The following RBFOX1 variants were observed in gnomAD, a reference collection of about 807,000 sequenced individuals.
RBFOX1 encodes RNA binding fox-1 homolog 1, also known as RNA binding protein fox-1 homolog 1.
A neutral mutation model predicts 57.7 loss-of-function variants in RBFOX1; 8 were observed. That is an observed-to-expected ratio of 0.14 (90% CI 0.08 to 0.25). The LOEUF (loss-of-function observed/expected upper bound fraction) is 0.25, where lower values mean the gene tolerates loss of function less well. RBFOX1 is among the 10% of genes least tolerant of loss of function. The probability of loss-of-function intolerance (pLI) is 1.00; values close to 1 mark genes in which losing one functional copy is unlikely to be tolerated. For missense variants in RBFOX1, 611 were observed against 548.5 expected, an observed-to-expected ratio of 1.11 and a Z score of -1.14; for synonymous variants, 326 against 222.4, an observed-to-expected ratio of 1.47 and a Z score of -4.15.
chr16:6,189,075 A>T (rs1200681101), intron 1 of RBFOX1, among the ~76,000 whole-genome samples: 2 of 152,226 alleles, frequency 1.3e-5, no homozygotes, highest in African/African-American at 4.8e-5. Flanking sequence ...ATGTGGTTTC[A>T]GATGACCTCT....
Position 7,108,202 on chromosome 16 carries a change from GTCA to G in RBFOX1, c.27+56109_27+56111del, listed in dbSNP as rs1230098824. Among the ~76,000 whole-genome samples the G allele has an allele frequency of 3.3e-5, 5 of 152,224 alleles. No individual in the cohort carries two copies. In the East Asian group the frequency reaches 9.7e-4, roughly 29 times the overall value. On this transcript the variant is annotated intron_variant, in intron 4 of 15. Coordinates refer to ENST00000550418, the MANE Select transcript of RBFOX1 (RefSeq NM_018723.4). ...TCTGATGGTTCAGAACAGTCTCTGG[GTCA>G]TCATGAGCATCAGCTCTGGAATCAG...
At chr16:7,222,577 G>A (rs1332423285) in intron 4 of RBFOX1, among the ~76,000 whole-genome samples, 1 of 152,178 alleles carries the variant, frequency 6.6e-6, no homozygotes, top group Admixed American at 6.5e-5. Flanking sequence ...CTGGGCACTG[G>A]CTGTTGTTCC....
At chr16:6,808,061 A>G (rs531873184) in intron 3 of RBFOX1, among the ~76,000 whole-genome samples, 1 of 150,820 alleles carries the variant, frequency 6.6e-6, no homozygotes, top group African/African-American at 2.4e-5. Context: ...CCTATACAAT[A>G]GAACTATATA....
At chr16:6,669,392 A>T (rs532436053) in intron 3 of RBFOX1, among the ~76,000 whole-genome samples, 2 of 152,306 alleles carry the variant, frequency 1.3e-5, no homozygotes, top group East Asian at 3.9e-4. Flanking sequence ...AAGCCATAAA[A>T]ACTGTGTGAT....
chr16:6,514,165 T>C (rs1783811787), intron 2 of RBFOX1, among the ~76,000 whole-genome samples: 1 of 152,158 alleles, frequency 6.6e-6, no homozygotes, highest in South Asian at 2.1e-4. Context: ...TCTTTCTGCT[T>C]TTGAGCCACT....
Position 6,269,718 on chromosome 16 carries a change from C to G in RBFOX1, c.-126-47277C>G, listed in dbSNP as rs1302865639. ...AAAGAATTGGTTGGCAGCTGGTCTA[C>G]CTTAAAAGAATGGCTGAAAGAAATT... On this transcript the variant is annotated intron_variant, in intron 1 of 15. Coordinates refer to ENST00000550418, the MANE Select transcript of RBFOX1 (RefSeq NM_018723.4). 3.3e-5 allele frequency among the ~76,000 whole-genome samples: 5 copies of G among 151,950 alleles called. No homozygotes were observed. In the East Asian group the frequency reaches 7.7e-4, roughly 23 times the overall value.
At chr16:5,762,550 T>A (rs1486259812) in intron 3 of RBFOX1, among the ~76,000 whole-genome samples, 15 of 152,164 alleles carry the variant, frequency 9.9e-5, no homozygotes, top group Admixed American at 9.8e-4. Context: ...CAATTCCACT[T>A]TGGGAAATTT....
chr16:6,808,828 A>G (rs2087645126), intron 3 of RBFOX1, among the ~76,000 whole-genome samples: 1 of 152,162 alleles, frequency 6.6e-6, no homozygotes, highest in Non-Finnish European at 1.5e-5. Flanking sequence ...TAATTCATAG[A>G]AAATCACTAC....
At chr16:6,949,724 T>C (rs1044350837) in intron 3 of RBFOX1, among the ~76,000 whole-genome samples, 3 of 152,148 alleles carry the variant, frequency 2.0e-5, no homozygotes, top group Non-Finnish European at 4.4e-5. Flanking sequence ...ATAGTCACGT[T>C]AGGAGTTAAG....
intron 14 of RBFOX1, among the ~76,000 whole-genome samples, chr16:7,707,146 C>T (rs559304571): frequency 6.6e-5 from 10 of 152,310 alleles, no homozygotes; most frequent in African/African-American, 2.2e-4. Flanking sequence ...CTGAAAGCCT[C>T]ATCTAGATTA....
At chr16:7,144,417 C>CTTTTTTTTTTTTTTTTTTTT (rs1190886141) in intron 4 of RBFOX1, among the ~76,000 whole-genome samples, 4 of 66,912 alleles carry the variant, frequency 6.0e-5, no homozygotes, top group East Asian at 4.7e-4. Flanking sequence ...TTTCTTTCTT[C>CTTTTTTTTTTTTTTTTTTTT]TTTTTTTTTT....
intron 4 of RBFOX1, among the ~76,000 whole-genome samples, chr16:7,228,488 T>C (rs985605318): frequency 1.6e-4 from 25 of 152,184 alleles, no homozygotes; most frequent in Non-Finnish European, 3.4e-4. Flanking sequence ...TTGAACTTGG[T>C]TTTCTCAGTG....
At chr16:7,526,004 C>G (rs1435062415) in intron 5 of RBFOX1, among the ~76,000 whole-genome samples, 2 of 152,156 alleles carry the variant, frequency 1.3e-5, no homozygotes, top group Non-Finnish European at 1.5e-5. Flanking sequence ...GGGAACTGAG[C>G]TGCACAGCAA....
At chr16:7,332,416 A>G (rs1292233016) in intron 4 of RBFOX1, among the ~76,000 whole-genome samples, 1 of 152,212 alleles carries the variant, frequency 6.6e-6, no homozygotes, top group Non-Finnish European at 1.5e-5. Context: ...GAAATCAGAG[A>G]GAGAGCGGGA....
chr16:5,714,599 G>T (rs1055808799), intron 3 of RBFOX1, among the ~76,000 whole-genome samples: 1 of 152,188 alleles, frequency 6.6e-6, no homozygotes, highest in Admixed American at 6.5e-5. Context: ...TTGTTATACA[G>T]CATTACTGTG....
chr16:5,570,238 A>G (rs948509033), intron 2 of RBFOX1, among the ~76,000 whole-genome samples: 2 of 152,120 alleles, frequency 1.3e-5, no homozygotes, highest in African/African-American at 4.8e-5. Context: ...CATAGCACAC[A>G]TGATGGGTTT....
chr16:6,309,354 C>G (rs1364520426), intron 1 of RBFOX1, among the ~76,000 whole-genome samples: 1 of 152,128 alleles, frequency 6.6e-6, no homozygotes, highest in Non-Finnish European at 1.5e-5. Context: ...CTAAGGATTT[C>G]TTTGGAGTAC....
At chr16:6,875,350 C>G (rs898701579) in intron 3 of RBFOX1, among the ~76,000 whole-genome samples, 1 of 152,140 alleles carries the variant, frequency 6.6e-6, no homozygotes, top group Non-Finnish European at 1.5e-5. Context: ...CCTTTATACA[C>G]AGCTTTGACC....
intron 2 of RBFOX1, among the ~76,000 whole-genome samples, chr16:5,570,447 G>C (rs2046242192): frequency 6.6e-6 from 1 of 152,146 alleles, no homozygotes; most frequent in African/African-American, 2.4e-5. Context: ...TTAGGTCCCT[G>C]GCAAGCATTT....
Sources: allele counts gnomAD v4.1 joint callset (sites outside exome capture counted in the v4.1 genomes callset), GRCh38; gene constraint gnomAD v4.1.1; transcripts MANE v1.5; gene names NCBI Gene and HGNC (gene_info 2026-07-23, HGNC 2026-07-21).